Variants in COL5A2 observed in about 807,000 individuals in gnomAD.
COL5A2 encodes the protein collagen type V alpha 2 chain.
COL5A2 carries 23 observed loss-of-function variants against 208.2 expected under a neutral mutation model. The ratio of observed to expected loss-of-function variants is 0.11; its 90% confidence interval spans 0.08 to 0.16. The LOEUF is 0.16. COL5A2 is among the 10% of genes least tolerant of loss of function. The pLI is 1.00. For missense variants in COL5A2, 1,590 were observed against 1,956.4 expected (o/e 0.81, Z 3.53); for synonymous variants, 625 against 628.5 (o/e 0.99, Z 0.08).
At chr2:189,121,736 CA>C (rs3084490) in intron 1 of COL5A2, among the ~76,000 whole-genome samples, 9,262 of 76,642 alleles carry the variant, frequency 0.12, 204 homozygotes, top group African/African-American at 0.27. Flanking sequence ...GACTCCGTCT[CA>C]AAAAAAAAAA....
At chr2:189,050,440 G>C (rs551782655) in intron 43 of COL5A2, 129 bp downstream of exon 43, 1 of 756,306 alleles carries the variant, frequency 1.3e-6, no homozygotes, top group African/African-American at 1.8e-5. Flanking sequence ...AGATTTTTAA[G>C]AGACTCAAAA....
chr2:189,344,372 A>G, the COL5A2 span, among the ~76,000 whole-genome samples: 1 of 152,166 alleles, frequency 6.6e-6, no homozygotes, highest in African/African-American at 2.4e-5. Flanking sequence ...ATGTACTTAC[A>G]GACCTGAACC....
upstream of COL5A2, chr2:189,179,940 C>T: frequency 1.9e-6 from 1 of 515,312 alleles, no homozygotes; most frequent in Non-Finnish European, 3.4e-6. Flanking sequence ...TTCCCTATTT[C>T]ATTTAACTTT....
At position 189,121,797 on chromosome 2, in the gene COL5A2, T is replaced by C. The variant is rs1818585; in HGVS notation, c.98-11348A>G. Among the ~76,000 whole-genome samples, 1,205 of 150,658 alleles carry C rather than the reference T, an allele frequency of 8.0e-3. 17 individuals carry two copies. The highest frequency in any genetic ancestry group is 0.028 in the African/African-American group (1,150 of 41,030). ...GTCCAATTCCACAGTCTTTCTTCAA[T>C]TGTAGATACAGAATTCTGGATTATT... On this transcript the variant is annotated intron_variant, in intron 1 of 53. Transcript: ENST00000374866.
intron 18 of COL5A2, among the ~76,000 whole-genome samples, chr2:189,069,954 T>C (rs1446094250): frequency 6.6e-6 from 1 of 152,206 alleles, no homozygotes; most frequent in Non-Finnish European, 1.5e-5. Context: ...GAAACAATAC[T>C]TCTTTGATAA....
rs863223492 is a variant in COL5A2 at position 189,060,740 on chromosome 2, G to A, written c.2075C>T (p.Pro692Leu). 6.2e-7 allele frequency: 1 copy of A among 1,613,038 alleles called. No homozygotes were observed. The highest frequency in any genetic ancestry group is 8.5e-7 in the Non-Finnish European group (1 of 1,179,196). The change falls in exon 31 of 54, where the codon CCA becomes CTA. Residue 692 changes from proline (P) to leucine (L), a missense_variant. Coordinates refer to ENST00000374866, the MANE Select transcript of COL5A2 (RefSeq NM_000393.5). ...PPGPPGEGGK[P>L]GDQGVPGDPG... ...TATTTAAACACTTACTTGATCACCT[G>A]GTTTTCCACCTTCTCCAGGAGGCCC...
chr2:189,395,103 C>A, the COL5A2 span, among the ~76,000 whole-genome samples: 1 of 152,150 alleles, frequency 6.6e-6, no homozygotes, highest in South Asian at 2.1e-4. Context: ...AATAAAATTA[C>A]TTCTAGATGA....
the COL5A2 span, among the ~76,000 whole-genome samples, chr2:189,274,085 T>C: frequency 3.3e-5 from 5 of 152,268 alleles, no homozygotes; most frequent in African/African-American, 1.2e-4. Flanking sequence ...TGTATACATA[T>C]TTCAAAACAT....
At chr2:189,232,354 G>T in the COL5A2 span, among the ~76,000 whole-genome samples, 1 of 151,464 alleles carries the variant, frequency 6.6e-6, no homozygotes, top group Non-Finnish European at 1.5e-5. Flanking sequence ...CTCACATCGG[G>T]TAATAACATC....
In COL5A2 at chr2:189,085,756, G is replaced by A. The variant is rs766846956; in HGVS notation, c.707C>T (p.Thr236Ile). The change falls in exon 10 of 54, where the codon ACA (threonine) becomes ATA (isoleucine). Residue 236 changes from threonine (T) to isoleucine (I), a missense_variant. By Grantham distance (89) the Thr-to-Ile change is moderately conservative. Transcript: ENST00000374866. ...ATCACCAGGTTCACCAGGAGGTCCT[G>A]TAGGTCCTGCACCACCCTACAGTTG... ...LQGQQGGAGP[T>I]GPPGEPGDPG... 1.2e-6 allele frequency: 2 copies of A among 1,613,402 alleles called. No individual in the cohort carries two copies. Among genetic ancestry groups the A allele is most frequent in the Non-Finnish European group, 1.7e-6 (2 of 1,179,440 alleles).
chr2:189,178,768 T>A (rs1350873330), intron 1 of COL5A2, among the ~76,000 whole-genome samples: 1 of 146,462 alleles, frequency 6.8e-6, no homozygotes, highest in African/African-American at 2.5e-5. Flanking sequence ...AAATATTCCA[T>A]GCCAAATAAG....
the COL5A2 span, among the ~76,000 whole-genome samples, chr2:189,419,903 AGAG>A: frequency 1.0e-4 from 15 of 145,360 alleles, no homozygotes; most frequent in Non-Finnish European, 1.5e-4. Context: ...GGAGAGGAGA[AGAG>A]GAGGAGGAGA....
At chr2:189,231,073 A>T in the COL5A2 span, among the ~76,000 whole-genome samples, 2 of 151,982 alleles carry the variant, frequency 1.3e-5, no homozygotes. Flanking sequence ...TAAGCCAGTC[A>T]GAGAGGAAAA....
chr2:189,057,497 T>A, intron 33 of COL5A2, 70 bp from the exon 34 acceptor site: 1 of 1,184,322 alleles, frequency 8.4e-7, no homozygotes. Flanking sequence ...TGCTTTTTAG[T>A]GGGTCAAAAG....
intron 1 of COL5A2, among the ~76,000 whole-genome samples, chr2:189,158,173 T>C (rs1016485462): frequency 6.6e-6 from 1 of 152,056 alleles, no homozygotes; most frequent in Non-Finnish European, 1.5e-5. Context: ...ACCGACTCCA[T>C]AGTAATGACT....
At chr2:189,359,026 A>G in the COL5A2 span, among the ~76,000 whole-genome samples, 1 of 152,126 alleles carries the variant, frequency 6.6e-6, no homozygotes, top group African/African-American at 2.4e-5. Context: ...AACAGGGACT[A>G]TTTAACTTCT....
At chr2:189,155,348 G>T (rs1688224305) in intron 1 of COL5A2, among the ~76,000 whole-genome samples, 1 of 97,138 alleles carries the variant, frequency 1.0e-5, no homozygotes, top group African/African-American at 4.2e-5. Context: ...AGCACATACT[G>T]CTCTACATTT....
At chr2:189,070,386 G>A (rs1392297477) in intron 18 of COL5A2, among the ~76,000 whole-genome samples, 1 of 152,164 alleles carries the variant, frequency 6.6e-6, no homozygotes, top group Non-Finnish European at 1.5e-5. Flanking sequence ...TAGTCAGAGA[G>A]CAGAGACCAT....
chr2:189,351,385 T>C, the COL5A2 span, among the ~76,000 whole-genome samples: 1 of 152,182 alleles, frequency 6.6e-6, no homozygotes, highest in Non-Finnish European at 1.5e-5. Context: ...AAGTCTTTAT[T>C]AGTAGGAAAC....
Sources: gnomAD v4.1 joint callset for allele counts (sites outside exome capture counted in the v4.1 genomes callset) on GRCh38, gnomAD v4.1.1 for gene constraint, MANE v1.5 for transcripts, NCBI Gene and HGNC (gene_info 2026-07-23, HGNC 2026-07-21) for gene names.